Variants in LMF1 observed in about 807,000 individuals in gnomAD.
LMF1 encodes lipase maturation factor 1.
A neutral mutation model predicts 60.6 loss-of-function variants in LMF1; 68 were observed. That is an observed-to-expected ratio of 1.12 (90% CI 0.92 to 1.37). The LOEUF (loss-of-function observed/expected upper bound fraction) is 1.37. LMF1 is among the 40% of genes most tolerant of loss of function. The pLI is 0.00. For synonymous variants in LMF1, 418 were observed against 324.7 expected (o/e 1.29, Z -3.09); for missense variants, 948 against 767.2 (o/e 1.24, Z -2.78).
intron 10 of LMF1, among the ~76,000 whole-genome samples, chr16:864,302 ATAC>A (rs1567143988): frequency 6.6e-6 from 1 of 152,246 alleles, no homozygotes. Flanking sequence ...CAACCTGCCT[ATAC>A]AGAGGGTCCC....
chr16:916,462 A>G (rs7202239), intron 3 of LMF1, among the ~76,000 whole-genome samples: 48,365 of 152,222 alleles, frequency 0.32, 9,858 homozygotes, highest in African/African-American at 0.56. Flanking sequence ...TTATATTTTA[A>G]GCTGAAAAGT....
intron 1 of LMF1, 99 bp from the exon 2 acceptor site, chr16:954,765 G>T: frequency 8.8e-7 from 1 of 1,140,346 alleles, no homozygotes; most frequent in Non-Finnish European, 1.2e-6. Flanking sequence ...GGCGGGAAGG[G>T]GAGGCAGAGT....
At chr16:879,815 GC>G (rs2070111656) in intron 5 of LMF1, 78 bp from the exon 6 acceptor site, 6 of 1,417,460 alleles carry the variant, frequency 4.2e-6, no homozygotes, top group Non-Finnish European at 5.8e-6. Flanking sequence ...TGGGTCCCTG[GC>G]CCCCTGACCC....
At chr16:917,717 C>T (rs960232031) in intron 3 of LMF1, among the ~76,000 whole-genome samples, 2 of 152,202 alleles carry the variant, frequency 1.3e-5, no homozygotes, top group African/African-American at 4.8e-5. Flanking sequence ...GTCCTGATGT[C>T]AGCCCCACCC....
intron 5 of LMF1, among the ~76,000 whole-genome samples, chr16:890,310 G>C (rs1360094226): frequency 6.6e-6 from 1 of 152,220 alleles, no homozygotes; most frequent in African/African-American, 2.4e-5. Flanking sequence ...AAGAAAAGGG[G>C]CTCCTGGGCC....
intron 1 of LMF1, among the ~76,000 whole-genome samples, chr16:967,056 G>A (rs533901488): frequency 2.0e-5 from 3 of 152,352 alleles, no homozygotes; most frequent in East Asian, 3.9e-4. Context: ...GCACCTGCAA[G>A]GCTGTCCTTC....
At chr16:947,987 G>C (rs1422053605) in intron 2 of LMF1, among the ~76,000 whole-genome samples, 1 of 151,916 alleles carries the variant, frequency 6.6e-6, no homozygotes, top group Non-Finnish European at 1.5e-5. Context: ...CAATGACAGA[G>C]TCAGAGCCAA....
intron 5 of LMF1, among the ~76,000 whole-genome samples, chr16:888,181 G>A (rs1450707576): frequency 6.6e-6 from 1 of 152,092 alleles, no homozygotes; most frequent in Admixed American, 6.5e-5. Flanking sequence ...GCTCAGTGGG[G>A]TACTCCTGCA....
chr16:877,266 A>T lies in LMF1; in HGVS notation c.897+2304T>A, dbSNP rs1323638784. On this transcript the variant is annotated intron_variant, in intron 6 of 10. Transcript: ENST00000262301. ...ATACTATGACTTTTTTTGCCAAAAG[A>T]TTTGAAAACAGATGAACAAATTCCC... Among the ~76,000 whole-genome samples the T allele has an allele frequency of 1.1e-4, 16 of 152,294 alleles. No homozygotes were observed. The Middle Eastern group carries it at 0.024, about 227-fold the overall frequency.
intron 1 of LMF1, among the ~76,000 whole-genome samples, chr16:965,329 T>C (rs2072903226): frequency 6.6e-6 from 1 of 152,048 alleles, no homozygotes; most frequent in Admixed American, 6.6e-5. Flanking sequence ...GGGCATGCGG[T>C]GTTTGGAACA....
At chr16:879,758 G>A (rs369600375) in intron 5 of LMF1, 21 bp from the exon 6 acceptor site, 3 of 1,563,078 alleles carry the variant, frequency 1.9e-6, no homozygotes, top group Admixed American at 1.9e-5. Flanking sequence ...AGGAGGGGCC[G>A]TGAGGTGCCT....
At chr16:869,667 C>G (rs61282928) in intron 9 of LMF1, 2 of 655,976 alleles carry the variant, frequency 3.0e-6, no homozygotes, top group Non-Finnish European at 5.5e-6. Flanking sequence ...CTGGCAGACC[C>G]GGGGGGACGG....
chr16:884,499 A>G (rs531277214), intron 5 of LMF1, among the ~76,000 whole-genome samples: 8 of 152,392 alleles, frequency 5.2e-5, no homozygotes, highest in African/African-American at 1.7e-4. Context: ...TTTGTCAGAC[A>G]TTGACAAGCT....
chr16:888,755 A>G (rs1388889960), intron 5 of LMF1, among the ~76,000 whole-genome samples: 1 of 151,962 alleles, frequency 6.6e-6, no homozygotes, highest in Non-Finnish European at 1.5e-5. Context: ...TCCTAGGTAC[A>G]GGGGGCAGTG....
intron 1 of LMF1, among the ~76,000 whole-genome samples, chr16:977,806 T>C (rs1434692542): frequency 1.3e-5 from 2 of 151,792 alleles, no homozygotes; most frequent in Non-Finnish European, 2.9e-5. Flanking sequence ...CCTCGTGCCC[T>C]GGGCCCAACA....
intron 3 of LMF1, among the ~76,000 whole-genome samples, chr16:922,034 G>T (rs117383457): frequency 0.012 from 1,848 of 152,256 alleles, 22 homozygotes; most frequent in South Asian, 0.095. Flanking sequence ...CCACAGCTGA[G>T]GAGTAAGGGG....
chr16:974,056 C>T (rs1157360747), upstream of LMF1, among the ~76,000 whole-genome samples: 1 of 152,032 alleles, frequency 6.6e-6, no homozygotes, highest in African/African-American at 2.4e-5. Context: ...CAACAGACAG[C>T]CCTGCACTGG....
chr16:971,149 G>T (rs2073044939), upstream of LMF1: 1 of 647,630 alleles, frequency 1.5e-6, no homozygotes, highest in Non-Finnish European at 2.2e-6. Context: ...AGCCGGCCCC[G>T]CCCACGCGCG....
intron 3 of LMF1, among the ~76,000 whole-genome samples, chr16:921,429 C>T (rs747986128): frequency 1.3e-5 from 2 of 152,238 alleles, no homozygotes; most frequent in Non-Finnish European, 1.5e-5. Flanking sequence ...GAAAGTTCAC[C>T]CGCCAGCCAG....
Sources: gnomAD v4.1 joint callset for allele counts (sites outside exome capture counted in the v4.1 genomes callset) on GRCh38, gnomAD v4.1.1 for gene constraint, MANE v1.5 for transcripts, NCBI Gene and HGNC (gene_info 2026-07-23, HGNC 2026-07-21) for gene names.